Variants in CLEC18A observed in about 807,000 individuals in gnomAD.
CLEC18A encodes C-type lectin domain family 18 member A.
In CLEC18A, 5 loss-of-function variants were observed where a neutral mutation model predicts 24.0. The ratio of observed to expected loss-of-function variants is 0.21; its 90% confidence interval spans 0.11 to 0.44. CLEC18A has a LOEUF of 0.44. CLEC18A is among the 20% of genes least tolerant of loss of function. The pLI is 0.99. For synonymous variants in CLEC18A, 29 were observed against 100.1 expected (o/e 0.29, Z 4.24); for missense variants, 83 against 233.4 (o/e 0.36, Z 4.20).
intron 3 of CLEC18A, among the ~76,000 whole-genome samples, chr16:69,955,248 C>T (rs2059019424): frequency 6.6e-6 from 1 of 152,002 alleles, no homozygotes; most frequent in Non-Finnish European, 1.5e-5. Context: ...AATGATCTGC[C>T]TGCCTCAGCC....
chr16:69,944,675 A>T, the CLEC18A span, among the ~76,000 whole-genome samples: 3 of 150,886 alleles, frequency 2.0e-5, no homozygotes, highest in Admixed American at 2.0e-4. Flanking sequence ...TCTCTACTAA[A>T]GATACAAAAA....
chr16:69,964,227 A>T (rs1336094963), downstream of CLEC18A: 1 of 138,570 alleles, frequency 7.2e-6, no homozygotes, highest in African/African-American at 2.6e-5. Context: ...TATTAATAGA[A>T]GTTGCTCTGA....
chr16:69,956,358 AT>A lies in CLEC18A; in HGVS notation c.456+1800del, dbSNP rs1276901563. On this transcript the variant is annotated intron_variant, in intron 3 of 11. Transcript: ENST00000288040. ...TTCCCGAAGATCTTCTGGCTCCTTAATTTTTTTTTTTTTTTGAGACGGAGTC... is the reference window on the plus strand; with the variant it reads ...TTCCCGAAGATCTTCTGGCTCCTTAATTTTTTTTTTTTTTGAGACGGAGTC... Among the ~76,000 whole-genome samples the A allele has an allele frequency of 1.3e-3, 77 of 58,520 alleles. 1 individual carries two copies. Among genetic ancestry groups the A allele is most frequent in the Admixed American group, 5.5e-3 (32 of 5,786 alleles). 38.4% of individuals were successfully genotyped at this position (58,520 alleles called of 152,430 possible). A position where few individuals can be genotyped will look rare whatever the true frequency, so the allele number is the denominator to read the frequency against.
At chr16:69,954,670 G>T in intron 3 of CLEC18A, 97 bp downstream of exon 3, 1 of 1,533,612 alleles carries the variant, frequency 6.5e-7, no homozygotes, top group Non-Finnish European at 8.8e-7. Context: ...TAAATGTTGG[G>T]ATTCCTTTTC....
Position 69,954,493 on chromosome 16 carries a change from C to G in CLEC18A, c.376C>G (p.Leu126Val). ...GLVSFVEVVS[L>V]WFAEGQRYSH... is the part of the protein sequence containing the mutation. The stretch of plus-strand genomic sequence containing the variant: ...GGTGTCCTTTGTCGAAGTGGTCAGC[C>G]TATGGTTTGCAGAGGGGCAGCGGTA... Residue 126 changes from leucine to valine, a missense_variant, in exon 3 of 12, where the codon CTA becomes GTA. Around this residue, in one of 3 missense-constraint regions of CLEC18A, gnomAD observed 71 missense variants for 107.4 expected, o/e 0.66. Coordinates refer to ENST00000288040, the MANE Select transcript of CLEC18A (RefSeq NM_001370523.4). 1 of 1,612,362 alleles carries G rather than the reference C, an allele frequency of 6.2e-7. No homozygotes were observed. The highest frequency in any genetic ancestry group is 2.2e-5 in the East Asian group (1 of 44,866).
chr16:69,948,652 C>G (rs879142160), upstream of CLEC18A, among the ~76,000 whole-genome samples: 3 of 149,800 alleles, frequency 2.0e-5, no homozygotes, highest in African/African-American at 7.4e-5. Flanking sequence ...TGCCTTGCAA[C>G]AATGAGGCTG....
intron 10 of CLEC18A, chr16:69,962,760 C>T (rs1426587978): frequency 1.8e-6 from 2 of 1,100,138 alleles, no homozygotes; most frequent in South Asian, 3.1e-5. Context: ...CTGAGTGCTG[C>T]CATGGGGTAG....
At chr16:69,953,215 C>T (rs668547) in intron 2 of CLEC18A, 12 of 152,600 alleles carry the variant, frequency 7.9e-5, no homozygotes, top group East Asian at 7.7e-4. Context: ...AGGGCACCCC[C>T]TCTTTGGACA....
chr16:69,956,062 A>G (rs915493716), intron 3 of CLEC18A, among the ~76,000 whole-genome samples: 10 of 152,212 alleles, frequency 6.6e-5, no homozygotes, highest in Non-Finnish European at 1.0e-4. Context: ...CCTGGGCCAC[A>G]TGGCAAAAAC....
At chr16:69,954,923 C>T (rs2059013569) in intron 3 of CLEC18A, among the ~76,000 whole-genome samples, 1 of 152,102 alleles carries the variant, frequency 6.6e-6, no homozygotes, top group Admixed American at 6.5e-5. Context: ...TGGTCTTGAA[C>T]TCCTGGCCTC....
downstream of CLEC18A, among the ~76,000 whole-genome samples, chr16:69,966,536 G>C (rs1244652001): frequency 6.9e-6 from 1 of 144,588 alleles, no homozygotes; most frequent in African/African-American, 2.6e-5. Flanking sequence ...GGCAACGCCA[G>C]AATGTTACCC....
chr16:69,958,770 C>G lies in CLEC18A; in HGVS notation c.457-172C>G, dbSNP rs550580965. 2.3e-3 allele frequency among the ~76,000 whole-genome samples: 299 copies of G among 131,312 alleles called. 1 individual carries two copies. The highest frequency in any genetic ancestry group is 9.3e-3 in the African/African-American group (285 of 30,482). 86.1% of individuals were successfully genotyped at this position (131,312 alleles called of 152,430 possible). On this transcript the variant is annotated intron_variant, in intron 3 of 11. Coordinates refer to ENST00000288040, the MANE Select transcript of CLEC18A (RefSeq NM_001370523.4). Reference sequence around the variant, plus strand: ...ATAAATAAATAAATAAATAAATAAGCCTTCCTGAACTATTCCCACCCATGC... The same window carrying G: ...ATAAATAAATAAATAAATAAATAAGGCTTCCTGAACTATTCCCACCCATGC...
intron 2 of CLEC18A, chr16:69,952,839 C>T (rs1444050056): frequency 1.3e-5 from 2 of 149,024 alleles, no homozygotes; most frequent in African/African-American, 4.9e-5. Context: ...TGAACTCCTC[C>T]AAGGCAGGCG....
intron 3 of CLEC18A, among the ~76,000 whole-genome samples, chr16:69,954,868 C>T (rs1442195858): frequency 2.0e-5 from 3 of 151,920 alleles, no homozygotes; most frequent in African/African-American, 7.3e-5. Context: ...TGGCTAATGG[C>T]TTTATACTTT....
chr16:69,947,294 G>T (rs562653142), upstream of CLEC18A, among the ~76,000 whole-genome samples: 2 of 128,748 alleles, frequency 1.6e-5, no homozygotes, highest in Non-Finnish European at 3.3e-5. Flanking sequence ...TTCTTATAAC[G>T]AGGCCAGTCA....
In CLEC18A at chr16:69,954,426, C is replaced by T. The variant is rs1186155214; in HGVS notation, c.309C>T (p.Thr103=). The T allele has an allele frequency of 1.9e-6, 3 of 1,611,704 alleles. No homozygotes were observed. Among genetic ancestry groups the T allele is most frequent in the African/African-American group, 2.7e-5 (2 of 74,868 alleles). Residue 103 remains threonine, a synonymous_variant, in exon 3 of 12, where the codon ACC becomes ACT. Coordinates refer to ENST00000288040, the MANE Select transcript of CLEC18A (RefSeq NM_001370523.4). ...GCCTGGCGTCCGGCCTGTGGCGCAC[C>T]CTGCAAGTGGGCTGGAACATGCAGC... ...TPSLASGLWR[T]LQVGWNMQLL... is the part of the protein sequence containing the mutation.
intron 3 of CLEC18A, among the ~76,000 whole-genome samples, chr16:69,955,827 A>G (rs2059026631): frequency 6.6e-6 from 1 of 151,316 alleles, no homozygotes; most frequent in Admixed American, 6.6e-5. Context: ...TCTTCATTCA[A>G]CGAATATTTG....
chr16:69,943,662 C>T, the CLEC18A span, among the ~76,000 whole-genome samples: 2 of 151,432 alleles, frequency 1.3e-5, no homozygotes, highest in Non-Finnish European at 2.9e-5. Context: ...CAGGTGCATG[C>T]GGTGAGTTAA....
Position 69,954,566 on chromosome 16 carries a change from A to C in CLEC18A, c.449A>C (p.Tyr150Ser). 6.2e-7 allele frequency: 1 copy of C among 1,610,822 alleles called. No individual in the cohort carries two copies. The change falls in exon 3 of 12, where the codon TAC becomes TCC. Residue 150 changes from tyrosine to serine, a missense_variant. This residue lies in a region of CLEC18A where 71 missense variants were observed against 107.4 expected (regional missense o/e 0.66). Coordinates refer to ENST00000288040, the MANE Select transcript of CLEC18A (RefSeq NM_001370523.4). Reference protein sequence around the residue: ...ECARNATCTHYTQLVWATSSQ... With the variant: ...ECARNATCTHSTQLVWATSSQ... ...GCTCGCAACGCCACCTGCACCCACT[A>C]CACGCAGGTGAGTGTGCTGCAGGTG...
Sources: gnomAD v4.1 joint callset for allele counts (sites outside exome capture counted in the v4.1 genomes callset) on GRCh38, gnomAD v4.1.1 for gene constraint, gnomAD v4.1.1 regional missense constraint, MANE v1.5 for transcripts, NCBI Gene and HGNC (gene_info 2026-07-23, HGNC 2026-07-21) for gene names.